FAM90A20: variants seen among roughly 807,000 people sequenced by gnomAD.
FAM90A20 encodes the protein protein FAM90A20.
the FAM90A20 span, chr8:7,297,671 AT>A: frequency 1.4e-6 from 2 of 1,390,556 alleles, no homozygotes; most frequent in African/African-American, 4.3e-5. Context: ...GTCGCCCCAG[AT>A]GGGCAGGAGG....
At chr8:7,297,328 T>C in the FAM90A20 span, 497 of 1,365,950 alleles carry the variant, frequency 3.6e-4, 21 homozygotes, top group South Asian at 9.3e-4. Context: ...ACAGCAGCCC[T>C]GAGGGTAGCT....
At chr8:7,296,384 CT>C in the FAM90A20 span, 1 of 745,584 alleles carries the variant, frequency 1.3e-6, no homozygotes, top group Non-Finnish European at 2.4e-6. Context: ...ACGGAATCTT[CT>C]GATTATCTGA....
At chr8:7,296,389 T>C in the FAM90A20 span, 64 of 745,832 alleles carry the variant, frequency 8.6e-5, 13 homozygotes, top group East Asian at 8.3e-4. Context: ...ATCTTCTGAT[T>C]ATCTGAGGGT....
chr8:7,297,619 T>C, the FAM90A20 span: 2 of 1,427,832 alleles, frequency 1.4e-6, no homozygotes, highest in East Asian at 2.3e-5. Flanking sequence ...CCCCGGAGAA[T>C]CTCCAACCTC....
the FAM90A20 span, chr8:7,296,943 G>A: frequency 1.0e-5 from 9 of 871,518 alleles, 1 homozygote; most frequent in South Asian, 3.1e-5. Context: ...TCCAAGGACC[G>A]CCTGTCGATA....
At chr8:7,297,938 C>G in the FAM90A20 span, 16 of 695,482 alleles carry the variant, frequency 2.3e-5, 1 homozygote, top group Non-Finnish European at 3.7e-5. Flanking sequence ...GTCTGAGGCT[C>G]CCTGTGTTCG....
chr8:7,297,773 C>A, the FAM90A20 span: 18 of 1,440,814 alleles, frequency 1.2e-5, 4 homozygotes, highest in Non-Finnish European at 1.5e-5. Context: ...GTCCCATCAC[C>A]CAGCGGCCAG....
At chr8:7,297,088 C>G in the FAM90A20 span, 3 of 1,511,460 alleles carry the variant, frequency 2.0e-6, no homozygotes, top group Non-Finnish European at 2.7e-6. Context: ...TGCCGGTCCA[C>G]ACAACCTGTA....
chr8:7,297,424 G>C, the FAM90A20 span: 22 of 1,555,318 alleles, frequency 1.4e-5, no homozygotes, highest in East Asian at 4.2e-4. Flanking sequence ...GTCCTGCGGT[G>C]ACCTCACAGC....
At chr8:7,297,570 A>G in the FAM90A20 span, 3 of 1,512,412 alleles carry the variant, frequency 2.0e-6, 1 homozygote, top group Non-Finnish European at 2.7e-6. Flanking sequence ...GGTCCCTTCC[A>G]GATCCCCGAA....
At chr8:7,297,291 A>G in the FAM90A20 span, 3 of 1,352,848 alleles carry the variant, frequency 2.2e-6, no homozygotes, top group Middle Eastern at 2.5e-4. Context: ...CAGGTCCACG[A>G]GACTCTCCTC....
At chr8:7,297,787 T>G in the FAM90A20 span, 3 of 1,324,708 alleles carry the variant, frequency 2.3e-6, no homozygotes, top group East Asian at 4.5e-5. Flanking sequence ...CGGCCAGCCA[T>G]GATGGGGCCC....
At chr8:7,296,835 G>C in the FAM90A20 span, among the ~76,000 whole-genome samples, 1 of 136,518 alleles carries the variant, frequency 7.3e-6, no homozygotes, top group Non-Finnish European at 1.5e-5. Context: ...GCAATCTTTT[G>C]AACAATGGTG....
chr8:7,296,767 C>G, the FAM90A20 span, among the ~76,000 whole-genome samples: 2 of 136,112 alleles, frequency 1.5e-5, no homozygotes, highest in Admixed American at 6.9e-5. Context: ...AGCCATTAGT[C>G]CGTTCCACTT....
At chr8:7,295,349 C>G in the FAM90A20 span, among the ~76,000 whole-genome samples, 1 of 59,864 alleles carries the variant, frequency 1.7e-5, no homozygotes, top group Non-Finnish European at 2.8e-5. Flanking sequence ...TCCCTTTCTA[C>G]TTAGAGTCCT....
At chr8:7,297,412 A>T in the FAM90A20 span, 2 of 1,548,966 alleles carry the variant, frequency 1.3e-6, no homozygotes, top group East Asian at 4.5e-5. Context: ...CACAAGACAA[A>T]CGTCCTGCGG....
chr8:7,297,646 A>C, the FAM90A20 span: 1 of 1,399,190 alleles, frequency 7.1e-7, no homozygotes, highest in East Asian at 2.3e-5. Flanking sequence ...CCGCAACCGA[A>C]CTTGGACCAA....
chr8:7,295,110 C>A, the FAM90A20 span: 3 of 64,958 alleles, frequency 4.6e-5, no homozygotes, highest in East Asian at 9.7e-4. Flanking sequence ...GCCAAGGGCT[C>A]CCCCGCCCGA....
chr8:7,297,220 T>C, the FAM90A20 span: 1 of 1,525,660 alleles, frequency 6.6e-7, no homozygotes, highest in Non-Finnish European at 8.9e-7. Context: ...CCTCAAGTCT[T>C]GGACCAAAGG....
Sources: gnomAD v4.1 joint callset for allele counts (sites outside exome capture counted in the v4.1 genomes callset) on GRCh38, gnomAD v4.1.1 for gene constraint, MANE v1.5 for transcripts, NCBI Gene and HGNC (gene_info 2026-07-23, HGNC 2026-07-21) for gene names.